The following DYNC2H1 variants were observed in gnomAD, a reference collection of about 807,000 sequenced individuals.
The protein encoded by DYNC2H1 is cytoplasmic dynein 2 heavy chain 1.
Under a neutral mutation model 570.0 loss-of-function variants are expected in DYNC2H1, and 410 were observed. That is an observed-to-expected ratio of 0.72 (90% confidence interval 0.66 to 0.78). The LOEUF is 0.78. Ranked by LOEUF, DYNC2H1 falls within the 30% of genes least tolerant of loss-of-function variation. The pLI is 0.00. For synonymous variants in DYNC2H1, 1,688 were observed against 1,677.6 expected (o/e 1.01, Z -0.15); for missense variants, 4,865 against 5,046.4 (o/e 0.96, Z 1.09).
chr11:103,295,868 G>A (rs572760852), intron 75 of DYNC2H1, among the ~76,000 whole-genome samples: 17 of 152,122 alleles, frequency 1.1e-4, no homozygotes, highest in South Asian at 2.1e-4. Flanking sequence ...TCTTTGTTCC[G>A]GGCCCAGTCT....
intron 75 of DYNC2H1, among the ~76,000 whole-genome samples, chr11:103,297,837 C>T (rs552139367): frequency 6.6e-6 from 1 of 152,214 alleles, no homozygotes; most frequent in South Asian, 2.1e-4. Flanking sequence ...CTAATACAAG[C>T]TATCATCAGC....
rs1858002615 is a variant in DYNC2H1, at chr11:103,109,455, T to TCTGCGGTCCCGCGGTCGGC, written c.-102_-101insCCTGCGGTCCCGCGGTCGG. 1.0e-6 allele frequency: 1 copy of TCTGCGGTCCCGCGGTCGGC among 996,260 alleles called. No individual in the cohort carries two copies. Among genetic ancestry groups the TCTGCGGTCCCGCGGTCGGC allele is most frequent in the Non-Finnish European group, 1.4e-6 (1 of 702,196 alleles). The allele number at this position is 996,260 out of a possible 1,614,324, so 61.7% of individuals were successfully genotyped here. On this transcript the variant is annotated 5_prime_UTR_variant, in exon 1 of 89. Transcript: ENST00000375735. ...CGACTACCCCTGGCAACCGCGAAGC[T>TCTGCGGTCCCGCGGTCGGC]CTGCGGTCCCGCGGTCGGGCTACGG...
intron 73 of DYNC2H1, among the ~76,000 whole-genome samples, chr11:103,285,487 A>T (rs1419258209): frequency 1.4e-5 from 2 of 140,638 alleles, no homozygotes; most frequent in African/African-American, 5.4e-5. Flanking sequence ...CAGTGGCGTG[A>T]TCTCGGCTCA....
At chr11:103,159,933 A>G (rs1320945370) in intron 28 of DYNC2H1, among the ~76,000 whole-genome samples, 1 of 152,148 alleles carries the variant, frequency 6.6e-6, no homozygotes, top group Non-Finnish European at 1.5e-5. Context: ...CATGCTATGA[A>G]TGCAGAGTTG....
At chr11:103,336,099 A>G (rs1331647473) in intron 82 of DYNC2H1, among the ~76,000 whole-genome samples, 2 of 152,140 alleles carry the variant, frequency 1.3e-5, no homozygotes, top group African/African-American at 2.4e-5. Flanking sequence ...GGGAAAGAAA[A>G]AAGATCTCTT....
In DYNC2H1 at chr11:103,223,076, G is replaced by A. The variant is rs1199454490; in HGVS notation, c.9343G>A (p.Gly3115Arg). The stretch of plus-strand genomic sequence containing the variant: ...TCATCCTTTGGAAACTGAACAGGCA[G>A]GATTAGAATCGTAAGTGAAATATAA... ...RIHPLETEQA[G>R]LESNLKKTED... is the part of the protein sequence containing the mutation. Residue 3115 changes from glycine to arginine, a missense_variant, in exon 59 of 89, where the codon GGA (glycine) becomes AGA (arginine). Gly to Arg is a moderately radical substitution (Grantham distance 125). Transcript: ENST00000375735. The A allele has an allele frequency of 6.2e-7, 1 of 1,610,634 alleles. No individual in the cohort carries two copies. Among genetic ancestry groups the A allele is most frequent in the East Asian group, 2.2e-5 (1 of 44,614 alleles).
chr11:103,235,980 T>C (rs186428145), intron 62 of DYNC2H1, among the ~76,000 whole-genome samples, 167 bp downstream of exon 62: 1 of 152,140 alleles, frequency 6.6e-6, no homozygotes, highest in Admixed American at 6.6e-5. Context: ...TTAGATTTGC[T>C]GAATTCCACA....
At chr11:103,427,586 T>A (rs1470555665) in intron 84 of DYNC2H1, among the ~76,000 whole-genome samples, 2 of 152,118 alleles carry the variant, frequency 1.3e-5, no homozygotes, top group Non-Finnish European at 2.9e-5. Flanking sequence ...AGCTGGGAAG[T>A]CCAAGATCAA....
At chr11:103,233,477 TA>T (rs1565416967) in intron 60 of DYNC2H1, among the ~76,000 whole-genome samples, 1 of 151,990 alleles carries the variant, frequency 6.6e-6, no homozygotes, top group Non-Finnish European at 1.5e-5. Flanking sequence ...GGAGAGATTA[TA>T]TATAATGTAC....
intron 85 of DYNC2H1, among the ~76,000 whole-genome samples, chr11:103,443,304 A>C (rs1944327759): frequency 6.6e-6 from 1 of 151,914 alleles, no homozygotes; most frequent in African/African-American, 2.4e-5. Flanking sequence ...TATCAGCTTT[A>C]CTTTGTTGTT....
chr11:103,438,255 T>G (rs1363345017), intron 85 of DYNC2H1, among the ~76,000 whole-genome samples: 2 of 152,094 alleles, frequency 1.3e-5, no homozygotes, highest in Non-Finnish European at 2.9e-5. Context: ...CTCCCTGAGG[T>G]AACCTTTAAT....
At chr11:103,236,642 CT>C in intron 63 of DYNC2H1, 103 bp downstream of exon 63, 1 of 568,968 alleles carries the variant, frequency 1.8e-6, no homozygotes, top group Non-Finnish European at 3.0e-6. Context: ...TTACCCTTTT[CT>C]TACTAAAATA....
intron 82 of DYNC2H1, among the ~76,000 whole-genome samples, chr11:103,331,477 C>T (rs939229305): frequency 6.6e-6 from 1 of 152,134 alleles, no homozygotes; most frequent in Non-Finnish European, 1.5e-5. Context: ...GAATTTGAAA[C>T]CTGCACTGCA....
intron 79 of DYNC2H1, among the ~76,000 whole-genome samples, chr11:103,313,930 C>T (rs887332391): frequency 3.3e-5 from 5 of 152,092 alleles, no homozygotes; most frequent in African/African-American, 1.2e-4. Context: ...TGGGTAGGCA[C>T]ATCTTCCTGT....
At position 103,311,588 on chromosome 11, in the gene DYNC2H1, G is replaced by GAA. The variant is rs78086161; in HGVS notation, c.11494-281_11494-280dup. On this transcript the variant is annotated intron_variant, in intron 78 of 88. Coordinates refer to ENST00000375735, the MANE Select transcript of DYNC2H1 (RefSeq NM_001377.3). ...TTAAGTAGTGATTTAGTGTCAGTGG[G>GAA]AAAAAAAAAACCTCTCAATCATCCT... 0.17 allele frequency among the ~76,000 whole-genome samples: 25,687 copies of GAA among 149,454 alleles called. 2,373 individuals carry two copies. Among genetic ancestry groups the GAA allele is most frequent in the Admixed American group, 0.26 (3,871 of 15,010 alleles).
At chr11:103,409,420 G>A (rs1591704939) in intron 84 of DYNC2H1, among the ~76,000 whole-genome samples, 1 of 127,764 alleles carries the variant, frequency 7.8e-6, no homozygotes, top group African/African-American at 3.0e-5. Flanking sequence ...TAAAATAGAT[G>A]TTGAGCTTGA....
In DYNC2H1 at chr11:103,319,746, T is replaced by C. The variant is rs970605220; in HGVS notation, c.11726-1283T>C. On this transcript the variant is annotated intron_variant, in intron 80 of 88. Transcript: ENST00000375735. This position sits in a 1 kb window ranked among gnomAD's most constrained non-coding sequence, Gnocchi z 4.3. ...TGTTTCTGTTTTATAAGTTGAAAGA[T>C]ACACTAATATGTCTGTATTCCTTAA... 6.6e-6 allele frequency among the ~76,000 whole-genome samples: 1 copy of C among 152,214 alleles called. No homozygotes were observed. Among genetic ancestry groups the C allele is most frequent in the Non-Finnish European group, 1.5e-5 (1 of 68,022 alleles).
chr11:103,455,785 A>C (rs1165592141), intron 86 of DYNC2H1, among the ~76,000 whole-genome samples: 2 of 152,156 alleles, frequency 1.3e-5, no homozygotes, highest in Non-Finnish European at 2.9e-5. Context: ...CTTGATGATT[A>C]AGATCAAGCT....
intron 86 of DYNC2H1, among the ~76,000 whole-genome samples, chr11:103,455,942 C>A (rs313872): frequency 0.53 from 81,142 of 151,842 alleles, 22,331 homozygotes; most frequent in African/African-American, 0.67. Context: ...TTGCTTCAGG[C>A]TATTATAAAC....
Sources: allele counts gnomAD v4.1 joint callset (sites outside exome capture counted in the v4.1 genomes callset), GRCh38; gene constraint gnomAD v4.1.1; non-coding constraint Gnocchi (gnomAD v3.1); transcripts MANE v1.5; gene names NCBI Gene and HGNC (gene_info 2026-07-23, HGNC 2026-07-21).